PHLDB1: variants seen among roughly 807,000 people sequenced by gnomAD.
PHLDB1 encodes the protein pleckstrin homology-like domain family B member 1.
A neutral mutation model predicts 139.3 loss-of-function variants in PHLDB1; 65 were observed. That is an observed-to-expected ratio of 0.47 (90% confidence interval 0.38 to 0.57). The LOEUF (loss-of-function observed/expected upper bound fraction) is 0.57, where lower values mean the gene tolerates loss of function less well. Ranked by LOEUF, PHLDB1 falls within the 20% of genes least tolerant of loss-of-function variation. The pLI is 0.00. For synonymous variants in PHLDB1, 679 were observed against 734.5 expected (o/e 0.92, Z 1.22); for missense variants, 1,624 against 1,839.7 (o/e 0.88, Z 2.14).
rs782014795 is a variant in PHLDB1 at position 118,639,238 on chromosome 11, C to G, written c.2723C>G (p.Ser908Trp). The part of the protein sequence containing the change: ...TGGRPFPKTT[S>W]TLKEMEKLLL... ...GGCAGGCCTTTCCCGAAGACCACAT[C>G]GACCCTCAAAGAGGTATCATGATTG... Residue 908 changes from serine (S) to tryptophan (W), a missense_variant, in exon 12 of 23, where the codon TCG becomes TGG. Ser to Trp is a radical substitution (Grantham distance 177). Coordinates refer to ENST00000600882, the MANE Select transcript of PHLDB1 (RefSeq NM_001144758.3). 4 of 1,613,234 alleles carry G rather than the reference C, an allele frequency of 2.5e-6. No individual in the cohort carries two copies. The South Asian group carries it at 4.4e-5, about 18-fold the overall frequency.
Position 118,647,922 on chromosome 11 carries a change from G to A in PHLDB1, c.3508-8G>A. 6.4e-7 allele frequency: 1 copy of A among 1,561,072 alleles called. No individual in the cohort carries two copies. Among genetic ancestry groups the A allele is most frequent in the East Asian group, 2.4e-5 (1 of 41,592 alleles). The stretch of plus-strand genomic sequence containing the variant: ...CCATAGGTGCTGACCCCTTGGCTTT[G>A]GGGGCAGGAGCGGGAGATGGAGCTG... On this transcript the variant is annotated splice_polypyrimidine_tract_variant and splice_region_variant and intron_variant, in intron 17 of 22. Transcript: ENST00000600882.
Position 118,632,519 on chromosome 11 carries a change from T to G in PHLDB1, c.2379+223T>G. The G allele has an allele frequency of 1.7e-6, 1 of 589,690 alleles. No individual in the cohort carries two copies. Among genetic ancestry groups the G allele is most frequent in the Non-Finnish European group, 3.0e-6 (1 of 333,614 alleles). The allele number at this position is 589,690 out of a possible 1,614,324, so 36.5% of individuals were successfully genotyped here. On this transcript the variant is annotated intron_variant, in intron 9 of 22. Coordinates refer to ENST00000600882, the MANE Select transcript of PHLDB1 (RefSeq NM_001144758.3). The surrounding 1 kb of genome is among the most constrained non-coding windows in gnomAD (Gnocchi z 5.9). ...GCTGGTGTCTGGGGTCTCCTCTGTC[T>G]GGGTCTGTGTGCTACCTCTGGGTGC...
intron 6 of PHLDB1, chr11:118,630,135 G>A (rs1944557518): frequency 2.7e-6 from 3 of 1,099,394 alleles, no homozygotes; most frequent in Non-Finnish European, 3.7e-6. Flanking sequence ...TGCGGTTTGG[G>A]TTCATGGCCA....
intron 12 of PHLDB1, chr11:118,641,602 CCTTG>C: frequency 7.9e-7 from 1 of 1,272,014 alleles, no homozygotes; most frequent in Non-Finnish European, 1.0e-6. Context: ...CTGCGTCTGG[CCTTG>C]CTCCAAGTAC....
chr11:118,611,105 G>T lies in PHLDB1; in HGVS notation c.-21-2711G>T, dbSNP rs1415233280. On this transcript the variant is annotated intron_variant, in intron 1 of 22. Coordinates refer to ENST00000600882, the MANE Select transcript of PHLDB1 (RefSeq NM_001144758.3). This position sits in a 1 kb window ranked among gnomAD's most constrained non-coding sequence, Gnocchi z 4.7. ...AGGTGAGGGACGTCCCTCGCGTAGC[G>T]CCACTCAGCCGCCGGGGCCAGAGCG... 3.9e-5 allele frequency among the ~76,000 whole-genome samples: 6 copies of T among 152,178 alleles called. No homozygotes were observed. Among genetic ancestry groups the T allele is most frequent in the African/African-American group, 9.7e-5 (4 of 41,448 alleles).
intron 7 of PHLDB1, among the ~76,000 whole-genome samples, 176 bp from the exon 8 acceptor site, chr11:118,631,737 C>T (rs1944838393): frequency 6.6e-6 from 1 of 151,970 alleles, no homozygotes; most frequent in Non-Finnish European, 1.5e-5. Context: ...TATTCTCTTC[C>T]GCAGAGCCCT....
rs1211964795 is a variant in PHLDB1, at chr11:118,650,843, C to T, written c.3874+296C>T. ...ACAGCGCTCTCATGGAGCTTATAATCAGGGAAGCAGACAAGAGTGATAACC... is the reference window on the plus strand; with the variant it reads ...ACAGCGCTCTCATGGAGCTTATAATTAGGGAAGCAGACAAGAGTGATAACC... On this transcript the variant is annotated intron_variant, in intron 20 of 22. Transcript: ENST00000600882. The surrounding 1 kb of genome is among the most constrained non-coding windows in gnomAD (Gnocchi z 4.7). 3 of 436,828 alleles carry T rather than the reference C, an allele frequency of 6.9e-6. No individual in the cohort carries two copies. Among genetic ancestry groups the T allele is most frequent in the Non-Finnish European group, 8.4e-6 (2 of 239,458 alleles). The allele number at this position is 436,828 out of a possible 1,614,324, so 27.1% of individuals were successfully genotyped here. A position where few individuals can be genotyped will look rare whatever the true frequency, so the allele number is the denominator to read the frequency against.
chr11:118,645,437 A>T lies in PHLDB1; in HGVS notation c.3203A>T (p.Asp1068Val). ...KAAAEAQCQW[D>V]ALHGAAPFPA... ...GCAGCTGAGGCACAGTGCCAGTGGG[A>T]TGCCCTTCACGGGGCAGCACCCTTC... is the stretch of plus-strand genomic sequence containing the variant. The change falls in exon 16 of 23, where the codon GAT (aspartate) becomes GTT (valine). Residue 1068 changes from aspartate (D) to valine (V), a missense_variant. Coordinates refer to ENST00000600882, the MANE Select transcript of PHLDB1 (RefSeq NM_001144758.3). The surrounding 1 kb of genome is among the most constrained non-coding windows in gnomAD (Gnocchi z 5.1). 6.3e-7 allele frequency: 1 copy of T among 1,580,090 alleles called. No homozygotes were observed. Among genetic ancestry groups the T allele is most frequent in the Non-Finnish European group, 8.6e-7 (1 of 1,164,946 alleles).
intron 10 of PHLDB1, among the ~76,000 whole-genome samples, chr11:118,638,461 AT>A (rs1250943646): frequency 6.6e-6 from 1 of 152,226 alleles, no homozygotes; most frequent in African/African-American, 2.4e-5. Context: ...TTAGGAAGAT[AT>A]TTGTGACAGT....
rs1286154840 is a variant in PHLDB1 at position 118,628,272 on chromosome 11, C to G, written c.1449C>G (p.Asn483Lys). 6.2e-7 allele frequency: 1 copy of G among 1,613,942 alleles called. No homozygotes were observed. Among genetic ancestry groups the G allele is most frequent in the Non-Finnish European group, 8.5e-7 (1 of 1,180,024 alleles). Reference protein sequence around the residue: ...PTRTTPDPKLNREVAESPRPR... With the variant: ...PTRTTPDPKLKREVAESPRPR... ...GGACCACCCCAGATCCCAAGCTAAA[C>G]AGGGAAGTGGCAGAGAGTCCTCGGC... The change falls in exon 6 of 23, where the codon AAC (asparagine) becomes AAG (lysine). Residue 483 changes from asparagine (N) to lysine (K), a missense_variant. Asn to Lys is a moderately conservative substitution (Grantham distance 94, BLOSUM62 0). Coordinates refer to ENST00000600882, the MANE Select transcript of PHLDB1 (RefSeq NM_001144758.3).
intron 12 of PHLDB1, 136 bp downstream of exon 12, chr11:118,639,387 A>T (rs1269399349): frequency 5.8e-6 from 4 of 689,586 alleles, no homozygotes; most frequent in Non-Finnish European, 1.1e-5. Context: ...TTGAGGAGGA[A>T]TGGCCCCAAG....
intron 10 of PHLDB1, chr11:118,636,879 G>A (rs1945742302): frequency 6.6e-6 from 1 of 152,122 alleles, no homozygotes; most frequent in South Asian, 2.1e-4. Flanking sequence ...AGTTTGGGAG[G>A]GCTTGGCAGT....
rs1946575335 is a variant in PHLDB1, at chr11:118,641,828, G to A, written c.2737-426G>A. 8.0e-6 allele frequency: 10 copies of A among 1,255,120 alleles called. No homozygotes were observed. In the South Asian group the frequency reaches 1.3e-4, roughly 17 times the overall value. The allele number at this position is 1,255,120 out of a possible 1,614,324, so 77.7% of individuals were successfully genotyped here. ...CTTGCTACCCCCACCCATGACTGGTGTGCTCTGTGTGTGTTTTGCTCCTGC... is the reference window on the plus strand; with the variant it reads ...CTTGCTACCCCCACCCATGACTGGTATGCTCTGTGTGTGTTTTGCTCCTGC... On this transcript the variant is annotated intron_variant, in intron 12 of 22. Transcript: ENST00000600882.
At chr11:118,646,259 CAAAAAAAAAAA>C (rs58623624) in intron 17 of PHLDB1, 6 of 50,370 alleles carry the variant, frequency 1.2e-4, no homozygotes, top group Middle Eastern at 0.017. Flanking sequence ...GACTCCGTCT[CAAAAAAAAAAA>C]AAAAAAAAAA....
rs781856220 is a variant in PHLDB1, at chr11:118,616,162, C to G, written c.306C>G (p.Ala102=). 3 of 1,614,134 alleles carry G rather than the reference C, an allele frequency of 1.9e-6. No individual in the cohort carries two copies. In the Admixed American group the frequency reaches 5.0e-5, roughly 27 times the overall value. Residue 102 remains alanine (A), a synonymous_variant, in exon 4 of 23, where the codon GCC becomes GCG. Transcript: ENST00000600882. The part of the protein sequence containing the change: ...GTLTLYPCGN[A]CTIDGLPVRQ... ...TCACCCTCTACCCCTGTGGCAATGC[C>G]TGCACTATTGATGGGCTCCCTGTCC... is the stretch of plus-strand genomic sequence containing the variant.
chr11:118,623,385 G>A (rs1445188698), intron 4 of PHLDB1, among the ~76,000 whole-genome samples: 1 of 152,234 alleles, frequency 6.6e-6, no homozygotes, highest in Non-Finnish European at 1.5e-5. Context: ...ACAGTTAGGC[G>A]CCTGTGGGCA....
chr11:118,655,779 G>A, intron 21 of PHLDB1, 81 bp from the exon 22 acceptor site: 1 of 1,489,740 alleles, frequency 6.7e-7, no homozygotes, highest in Non-Finnish European at 9.4e-7. Flanking sequence ...AAGGCCTCCA[G>A]CCTGCCCTCT....
intron 22 of PHLDB1, 69 bp downstream of exon 22, chr11:118,655,961 G>A: frequency 1.7e-6 from 2 of 1,162,978 alleles, no homozygotes; most frequent in Middle Eastern, 3.8e-4. Flanking sequence ...CCTGACCCTT[G>A]ACCTCCCCTT....
chr11:118,615,418 A>G (rs782073438), intron 3 of PHLDB1, among the ~76,000 whole-genome samples: 2 of 151,972 alleles, frequency 1.3e-5, no homozygotes, highest in Non-Finnish European at 1.5e-5. Context: ...AGCCCCCTTC[A>G]CCTTTCAGCT....
Sources: allele counts gnomAD v4.1 joint callset (sites outside exome capture counted in the v4.1 genomes callset), GRCh38; gene constraint gnomAD v4.1.1; non-coding constraint Gnocchi (gnomAD v3.1); transcripts MANE v1.5; gene names NCBI Gene and HGNC (gene_info 2026-07-23, HGNC 2026-07-21).